COL12A1: variants seen among roughly 807,000 people sequenced by gnomAD.
COL12A1 encodes the protein collagen type XII alpha 1 chain, also known as collagen alpha-1(XII) chain.
A neutral mutation model predicts 349.7 loss-of-function variants in COL12A1; 114 were observed. The observed-to-expected ratio is 0.33, with a 90% CI of 0.28 to 0.38. The LOEUF (loss-of-function observed/expected upper bound fraction) is 0.38, where lower values mean the gene tolerates loss of function less well. COL12A1 is among the 10% of genes least tolerant of loss of function. The pLI, the probability that COL12A1 is intolerant of heterozygous loss-of-function variation, is 1.00. For synonymous variants in COL12A1, 1,369 were observed against 1,329.0 expected, an observed-to-expected ratio of 1.03 and a Z score of -0.66; for missense variants, 3,284 against 3,756.9, an observed-to-expected ratio of 0.87 and a Z score of 3.29.
chr6:75,176,004 A>G (rs1768920162), intron 12 of COL12A1, among the ~76,000 whole-genome samples: 1 of 152,218 alleles, frequency 6.6e-6, no homozygotes, highest in South Asian at 2.1e-4. Flanking sequence ...GTTTTACTCC[A>G]GAAAATAGAA....
chr6:75,175,329 A>G lies in COL12A1; in HGVS notation c.2438-19T>C. 6.2e-7 allele frequency: 1 copy of G among 1,603,720 alleles called. No homozygotes were observed. The highest frequency in any genetic ancestry group is 1.1e-5 in the South Asian group (1 of 89,380). ...CCTCTAACTTCATTAAAAAATGACA[A>G]CATCATCAAAACCCATTATTTAAAA... is the stretch of plus-strand genomic sequence containing the variant. On this transcript the variant is annotated intron_variant, in intron 12 of 65. Coordinates refer to ENST00000322507, the MANE Select transcript of COL12A1 (RefSeq NM_004370.6).
chr6:75,198,791 G>T (rs149800998), intron 2 of COL12A1, among the ~76,000 whole-genome samples: 1 of 152,066 alleles, frequency 6.6e-6, no homozygotes, highest in African/African-American at 2.4e-5. Flanking sequence ...TACATAATGC[G>T]CTATAGATAT....
intron 2 of COL12A1, 100 bp downstream of exon 2, chr6:75,202,620 C>A: frequency 8.5e-7 from 1 of 1,178,480 alleles, no homozygotes. Flanking sequence ...AAGCACGAAG[C>A]GCAGGGAAAA....
Position 75,165,681 on chromosome 6 carries a change from C to T in COL12A1, c.2809G>A (p.Val937Ile). 6.2e-7 allele frequency: 1 copy of T among 1,614,018 alleles called. No homozygotes were observed. The highest frequency in any genetic ancestry group is 2.2e-5 in the East Asian group (1 of 44,882). ...SAPGMVRGYRVSWKSLYDDVD... is the reference protein window; with the variant it reads ...SAPGMVRGYRISWKSLYDDVD... ...TCATCATAAAGTGATTTCCATGAGA[C>T]CCTGTAACCGCGAACCATTCCTGGA... is the stretch of plus-strand genomic sequence containing the variant. The change falls in exon 14 of 66, where the codon GTC becomes ATC. Residue 937 changes from valine (V) to isoleucine (I), a missense_variant. By Grantham distance (29) the Val-to-Ile change is conservative. This residue lies in a region of COL12A1 where 2,601 missense variants were observed against 2,824.8 expected (regional missense o/e 0.92). Coordinates refer to ENST00000322507, the MANE Select transcript of COL12A1 (RefSeq NM_004370.6).
intron 38 of COL12A1, among the ~76,000 whole-genome samples, chr6:75,126,782 T>C (rs1008671360): frequency 2.6e-5 from 4 of 152,156 alleles, no homozygotes; most frequent in African/African-American, 9.7e-5. Flanking sequence ...TCTCAAATCA[T>C]TTTTAGAATG....
intron 15 of COL12A1, 63 bp downstream of exon 15, chr6:75,156,194 A>C: frequency 1.3e-6 from 2 of 1,575,048 alleles, no homozygotes; most frequent in Non-Finnish European, 1.7e-6. Flanking sequence ...AAGTAGACAT[A>C]CCAAAGTCAT....
chr6:75,108,250 GT>G (rs757697231), intron 52 of COL12A1, among the ~76,000 whole-genome samples: 346 of 146,088 alleles, frequency 2.4e-3, no homozygotes, highest in Non-Finnish European at 3.5e-3. Context: ...CAGCTGATTG[GT>G]TTTTTTTTTT....
chr6:75,097,102 G>T, intron 59 of COL12A1, 151 bp downstream of exon 59: 1 of 507,604 alleles, frequency 2.0e-6, no homozygotes, highest in Non-Finnish European at 3.6e-6. Flanking sequence ...GTTTTCTCTA[G>T]CACATTTTGA....
intron 14 of COL12A1, among the ~76,000 whole-genome samples, chr6:75,162,962 A>C (rs1423530679): frequency 1.3e-5 from 2 of 152,246 alleles, no homozygotes; most frequent in African/African-American, 4.8e-5. Context: ...CCACAATGAG[A>C]TATCAGCTCA....
chr6:75,104,709 C>T (rs932976611), intron 54 of COL12A1, among the ~76,000 whole-genome samples: 12 of 152,216 alleles, frequency 7.9e-5, no homozygotes, highest in Non-Finnish European at 1.5e-5. Flanking sequence ...AGTCTTCTCA[C>T]TCAAGTTATT....
chr6:75,137,985 C>T (rs893218330), intron 30 of COL12A1, among the ~76,000 whole-genome samples: 1 of 151,888 alleles, frequency 6.6e-6, no homozygotes, highest in African/African-American at 2.4e-5. Context: ...GGCTGGCTAG[C>T]TATAAGCTGG....
chr6:75,140,614 C>T (rs1251223912), intron 27 of COL12A1, among the ~76,000 whole-genome samples: 1 of 146,506 alleles, frequency 6.8e-6, no homozygotes, highest in Non-Finnish European at 1.5e-5. Context: ...CGAGATCGTG[C>T]CACTGCACTG....
At chr6:75,190,750 T>C (rs981938688) in intron 5 of COL12A1, among the ~76,000 whole-genome samples, 1 of 151,886 alleles carries the variant, frequency 6.6e-6, no homozygotes, top group Admixed American at 6.6e-5. Flanking sequence ...AAGGAGAGGG[T>C]GCTGAAAAAT....
At chr6:75,166,607 C>A (rs1280522533) in intron 13 of COL12A1, among the ~76,000 whole-genome samples, 1 of 152,122 alleles carries the variant, frequency 6.6e-6, no homozygotes, top group Non-Finnish European at 1.5e-5. Flanking sequence ...ATATACAGGT[C>A]ACTTTATATT....
intron 13 of COL12A1, among the ~76,000 whole-genome samples, chr6:75,170,101 T>C (rs1768546526): frequency 6.6e-6 from 1 of 152,226 alleles, no homozygotes; most frequent in Admixed American, 6.5e-5. Context: ...AACTTTCCTA[T>C]GTTTCCTTAC....
rs765327402 is a variant in COL12A1 at position 75,155,835 on chromosome 6, A to G, written c.3270T>C (p.Pro1090=). 8 of 1,605,718 alleles carry G rather than the reference A, an allele frequency of 5.0e-6. No homozygotes were observed. The Admixed American group carries it at 1.4e-4, about 28-fold the overall frequency. The change falls in exon 16 of 66, where the codon CCT becomes CCC. Residue 1090 remains proline (P), a synonymous_variant. Transcript: ENST00000322507. Reference sequence around the variant, plus strand: ...TTGGGTCAGATGTTTTGAGGTTTCTAGGAGACTTAAACCGAGAAGCTGTAA... The same window carrying G: ...TTGGGTCAGATGTTTTGAGGTTTCTGGGAGACTTAAACCGAGAAGCTGTAA... ...SGTTASRFKS[P]RNLKTSDPTM...
At position 75,102,677 on chromosome 6, in the gene COL12A1, G is replaced by A. The variant is rs1768362148; in HGVS notation, c.8335C>T (p.Arg2779Cys). The change falls in exon 56 of 66, where the codon CGT becomes TGT. Residue 2779 changes from arginine to cysteine, a missense_variant. Physicochemically the swap from Arg to Cys is radical, Grantham distance 180. Around this residue, in one of 2 missense-constraint regions of COL12A1, gnomAD observed 683 missense variants for 932.1 expected, o/e 0.73. Transcript: ENST00000322507. ...ISGAIGPPGP[R>C]GDIGPPGPQG... ...GGGCCTGGAGGACCTATGTCTCCAC[G>A]AGGACCAGGGGGCCCCTAAAATACA... 4.5e-6 allele frequency: 7 copies of A among 1,559,508 alleles called. No homozygotes were observed. Among genetic ancestry groups the A allele is most frequent in the South Asian group, 2.4e-5 (2 of 82,478 alleles).
At chr6:75,098,387 C>T (rs571385814) in intron 58 of COL12A1, among the ~76,000 whole-genome samples, 95 of 152,276 alleles carry the variant, frequency 6.2e-4, no homozygotes, top group African/African-American at 2.1e-3. Flanking sequence ...GATGCAATGG[C>T]TCATGCCTGC....
At position 75,130,852 on chromosome 6, in the gene COL12A1, G is replaced by A. The variant is rs751540913; in HGVS notation, c.6067C>T (p.Leu2023=). ...AATGGAGAAAGGATTTCTGCCTCAC[G>A]CGTTCGGCCCTGGGCAGGGCTGGGA... The part of the protein sequence containing the change: ...GNPSPAQGRT[L]PRSGPRNLRV... Residue 2023 remains leucine, a splice_region_variant and synonymous_variant, in exon 36 of 66, where the codon CTA becomes TTA. Transcript: ENST00000322507. The A allele has an allele frequency of 1.3e-5, 21 of 1,613,798 alleles. No individual in the cohort carries two copies. Among genetic ancestry groups the A allele is most frequent in the African/African-American group, 2.7e-5 (2 of 74,900 alleles).
Sources: gnomAD v4.1 joint callset for allele counts (sites outside exome capture counted in the v4.1 genomes callset) on GRCh38, gnomAD v4.1.1 for gene constraint, gnomAD v4.1.1 regional missense constraint, MANE v1.5 for transcripts, NCBI Gene and HGNC (gene_info 2026-07-23, HGNC 2026-07-21) for gene names.